The following SH3BGR variants were observed in gnomAD, a reference collection of about 807,000 sequenced individuals.
SH3BGR encodes SH3 domain binding glutamate rich protein, also known as SH3 domain-binding glutamic acid-rich protein.
Under a neutral mutation model 24.5 loss-of-function variants are expected in SH3BGR, and 29 were observed. The observed-to-expected ratio is 1.18, with a 90% CI of 0.88 to 1.61. The LOEUF is 1.61. Ranked by LOEUF, SH3BGR falls within the 40% of genes most tolerant of loss-of-function variation. SH3BGR has a pLI of 0.00. For synonymous variants in SH3BGR, 55 were observed against 65.7 expected, an observed-to-expected ratio of 0.84 and a Z score of 0.79; for missense variants, 162 against 205.8, an observed-to-expected ratio of 0.79 and a Z score of 1.30.
In SH3BGR at chr21:39,510,462, T is replaced by TACAC. The variant is rs148597054; in HGVS notation, c.436-1203_436-1200dup. Among the ~76,000 whole-genome samples the TACAC allele has an allele frequency of 1.5e-3, 167 of 112,436 alleles. 9 individuals carry two copies. The highest frequency in any genetic ancestry group is 0.015 in the South Asian group (50 of 3,380). 73.8% of individuals were successfully genotyped at this position (112,436 alleles called of 152,430 possible). A position where few individuals can be genotyped will look rare whatever the true frequency, so the allele number is the denominator to read the frequency against. The stretch of plus-strand genomic sequence containing the variant: ...CACACACACACACACACACTGTAGC[T>TACAC]ACACACACACACACACACCCCATCA... On this transcript the variant is annotated intron_variant, in intron 5 of 6. Coordinates refer to ENST00000333634, the MANE Select transcript of SH3BGR (RefSeq NM_007341.3).
At chr21:39,504,268 G>T (rs1329309715) in intron 4 of SH3BGR, among the ~76,000 whole-genome samples, 1 of 152,184 alleles carries the variant, frequency 6.6e-6, no homozygotes, top group Admixed American at 6.5e-5. Flanking sequence ...CATTGATGTA[G>T]GTTTGTGGGA....
At chr21:39,505,498 C>G (rs1462304197) in intron 4 of SH3BGR, among the ~76,000 whole-genome samples, 4 of 152,286 alleles carry the variant, frequency 2.6e-5, no homozygotes, top group Admixed American at 1.3e-4. Flanking sequence ...TGCGGTGTCT[C>G]ACACCTGTAT....
At chr21:39,489,791 G>T (rs1353761055) in intron 3 of SH3BGR, among the ~76,000 whole-genome samples, 3 of 152,184 alleles carry the variant, frequency 2.0e-5, no homozygotes, top group African/African-American at 4.8e-5. Context: ...CTTCAGTCAG[G>T]GAGCTCCCAG....
intron 3 of SH3BGR, among the ~76,000 whole-genome samples, chr21:39,477,399 T>A (rs184655024): frequency 6.6e-6 from 1 of 152,190 alleles, no homozygotes; most frequent in African/African-American, 2.4e-5. Flanking sequence ...GCTTTCCAAG[T>A]AGCCAGGACT....
chr21:39,468,091 G>A (rs2077873589), intron 2 of SH3BGR, among the ~76,000 whole-genome samples: 3 of 152,338 alleles, frequency 2.0e-5, no homozygotes, highest in Admixed American at 1.3e-4. Flanking sequence ...GGGCCTGACT[G>A]AACACAAACA....
intron 2 of SH3BGR, among the ~76,000 whole-genome samples, chr21:39,467,279 C>T (rs1375396599): frequency 2.0e-5 from 3 of 151,484 alleles, no homozygotes; most frequent in African/African-American, 4.9e-5. Context: ...ATTTTAATTG[C>T]GGAGGAGAAA....
At chr21:39,471,907 A>G (rs2077947734) in intron 2 of SH3BGR, among the ~76,000 whole-genome samples, 1 of 151,860 alleles carries the variant, frequency 6.6e-6, no homozygotes, top group African/African-American at 2.4e-5. Flanking sequence ...AATTTGCTTG[A>G]TTGTTCTCTC....
chr21:39,456,129 CA>C, intron 1 of SH3BGR, among the ~76,000 whole-genome samples: 1 of 152,208 alleles, frequency 6.6e-6, no homozygotes, highest in South Asian at 2.1e-4. Context: ...TTTCCCATCC[CA>C]CATCAAGCCC....
intron 3 of SH3BGR, chr21:39,488,573 G>C (rs1054070505): frequency 6.8e-5 from 20 of 292,788 alleles, no homozygotes; most frequent in African/African-American, 4.4e-4. Context: ...ACAAGGACTA[G>C]GGTGCCTAGT....
rs1320611976 is a variant in SH3BGR, at chr21:39,515,227, T to A, written c.*174T>A. 13 of 409,000 alleles carry A rather than the reference T, an allele frequency of 3.2e-5. No homozygotes were observed. Among genetic ancestry groups the A allele is most frequent in the Non-Finnish European group, 1.0e-5 (2 of 197,554 alleles). 25.3% of individuals were successfully genotyped at this position (409,000 alleles called of 1,614,324 possible). A position where few individuals can be genotyped will look rare whatever the true frequency, so the allele number is the denominator to read the frequency against. On this transcript the variant is annotated 3_prime_UTR_variant, in exon 7 of 7. Coordinates refer to ENST00000333634, the MANE Select transcript of SH3BGR (RefSeq NM_007341.3). Reference sequence around the variant, plus strand: ...CTGGTTAGATGTACATGGAGGTATCTCCCGAATCATACAAAATTAAATGTG... The same window carrying A: ...CTGGTTAGATGTACATGGAGGTATCACCCGAATCATACAAAATTAAATGTG...
At chr21:39,451,025 TACC>T (rs1323732527), upstream of SH3BGR, among the ~76,000 whole-genome samples, 1 of 152,122 alleles carries the variant, frequency 6.6e-6, no homozygotes, top group African/African-American at 2.4e-5. Context: ...CTCAGTATGT[TACC>T]CAGACTGGTC....
intron 3 of SH3BGR, among the ~76,000 whole-genome samples, chr21:39,490,828 G>C (rs995871298): frequency 6.6e-6 from 1 of 151,566 alleles, no homozygotes; most frequent in Non-Finnish European, 1.5e-5. Context: ...TCCCTCCCAG[G>C]CTAAAATGAT....
chr21:39,459,609 T>G (rs546004296), intron 1 of SH3BGR, among the ~76,000 whole-genome samples: 116 of 152,210 alleles, frequency 7.6e-4, no homozygotes, highest in Non-Finnish European at 1.5e-3. Context: ...CATAGCTCAT[T>G]GCAGCCTCCA....
At chr21:39,501,244 C>G (rs536639700) in intron 4 of SH3BGR, among the ~76,000 whole-genome samples, 1 of 152,164 alleles carries the variant, frequency 6.6e-6, no homozygotes, top group Non-Finnish European at 1.5e-5. Context: ...TACACCCCAG[C>G]CCCTTTCTCC....
At chr21:39,503,524 A>C (rs138130486) in intron 4 of SH3BGR, among the ~76,000 whole-genome samples, 1 of 152,240 alleles carries the variant, frequency 6.6e-6, no homozygotes, top group African/African-American at 2.4e-5. Context: ...TGTTCAGTTG[A>C]GTGATAAACC....
chr21:39,485,643 G>A (rs531356707), intron 3 of SH3BGR, among the ~76,000 whole-genome samples: 1 of 151,424 alleles, frequency 6.6e-6, no homozygotes, highest in Non-Finnish European at 1.5e-5. Context: ...AAAAGTTCTG[G>A]AAAATTTGAC....
rs185716257 is a variant in SH3BGR at position 39,489,173 on chromosome 21, A to G, written c.313-10650A>G. 3.6e-3 allele frequency among the ~76,000 whole-genome samples: 542 copies of G among 152,300 alleles called. 1 individual carries two copies. The highest frequency in any genetic ancestry group is 0.012 in the African/African-American group (513 of 41,562). On this transcript the variant is annotated intron_variant, in intron 3 of 6. Transcript: ENST00000333634. Reference sequence around the variant, plus strand: ...CACGAGAGGAGTTCCAGAAACAACAAAAGACCAGATGGAAGAGGGCTAATC... The same window carrying G: ...CACGAGAGGAGTTCCAGAAACAACAGAAGACCAGATGGAAGAGGGCTAATC...
chr21:39,496,273 G>C (rs2078392918), intron 3 of SH3BGR, among the ~76,000 whole-genome samples: 1 of 152,060 alleles, frequency 6.6e-6, no homozygotes, highest in African/African-American at 2.4e-5. Flanking sequence ...GGCCGAGGCG[G>C]GTGGATCATG....
intron 4 of SH3BGR, among the ~76,000 whole-genome samples, chr21:39,506,507 T>TCACC (rs1460100900): frequency 6.6e-6 from 1 of 152,150 alleles, no homozygotes; most frequent in African/African-American, 2.4e-5. Flanking sequence ...TTTAATGGAC[T>TCACC]CACCGTTCCA....
Sources: gnomAD v4.1 joint callset for allele counts (sites outside exome capture counted in the v4.1 genomes callset) on GRCh38, gnomAD v4.1.1 for gene constraint, MANE v1.5 for transcripts, NCBI Gene and HGNC (gene_info 2026-07-23, HGNC 2026-07-21) for gene names.